Variants in MCF2L2 observed in about 807,000 individuals in gnomAD.
MCF2L2 encodes MCF.2 cell line derived transforming sequence-like 2.
A neutral mutation model predicts 150.2 loss-of-function variants in MCF2L2; 102 were observed. The ratio of observed to expected loss-of-function variants is 0.68; its 90% confidence interval spans 0.58 to 0.80. The LOEUF (loss-of-function observed/expected upper bound fraction) is 0.80. MCF2L2 is among the 30% of genes least tolerant of loss of function. The pLI is 0.00. For missense variants in MCF2L2, 1,256 were observed against 1,372.8 expected, an observed-to-expected ratio of 0.91 and a Z score of 1.34; for synonymous variants, 465 against 491.3, an observed-to-expected ratio of 0.95 and a Z score of 0.71.
chr3:183,396,138 C>G (rs1004855333), intron 1 of MCF2L2, among the ~76,000 whole-genome samples: 1 of 151,690 alleles, frequency 6.6e-6, no homozygotes, highest in Admixed American at 6.6e-5. Flanking sequence ...GTGCACATAG[C>G]CCTGGAAATC....
rs148841300 is a variant in MCF2L2, at chr3:183,296,958, A to G, written c.1497+18T>C. 1.2e-6 allele frequency: 2 copies of G among 1,607,230 alleles called. No individual in the cohort carries two copies. The highest frequency in any genetic ancestry group is 1.7e-4 in the Middle Eastern group (1 of 6,024). ...TCCGTTTCCCAACCACAGGATCAAA[A>G]TAACCCGGAAGCATTACCTTTGCAT... On this transcript the variant is annotated intron_variant, in intron 12 of 29. Coordinates refer to ENST00000328913, the MANE Select transcript of MCF2L2 (RefSeq NM_015078.4).
chr3:183,350,278 A>C (rs928514591), intron 3 of MCF2L2, among the ~76,000 whole-genome samples: 2 of 151,964 alleles, frequency 1.3e-5, no homozygotes, highest in Non-Finnish European at 2.9e-5. Flanking sequence ...CATGCTAGAC[A>C]ACACTCAGTA....
At position 183,384,596 on chromosome 3, in the gene MCF2L2, T is replaced by TCTGGCCAA. The variant is rs1327726037; in HGVS notation, c.160+5092_160+5099dup. Among the ~76,000 whole-genome samples, 70 of 152,156 alleles carry TCTGGCCAA rather than the reference T, an allele frequency of 4.6e-4. 1 individual carries two copies. The highest frequency in any genetic ancestry group is 1.7e-3 in the African/African-American group (69 of 41,434). On this transcript the variant is annotated intron_variant, in intron 2 of 29. Coordinates refer to ENST00000328913, the MANE Select transcript of MCF2L2 (RefSeq NM_015078.4). ...AGGTCCGACTCCCTGTGATTTCATC[T>TCTGGCCAA]CTGGCCAATCAGCACTCCTGGCTCA...
intron 15 of MCF2L2, among the ~76,000 whole-genome samples, chr3:183,249,431 GA>G (rs1264668497): frequency 6.6e-6 from 1 of 152,210 alleles, no homozygotes; most frequent in East Asian, 1.9e-4. Flanking sequence ...CTGTCCCTGA[GA>G]GGCCCCACTG....
chr3:183,222,847 G>C (rs1723195861), intron 20 of MCF2L2, among the ~76,000 whole-genome samples: 1 of 152,118 alleles, frequency 6.6e-6, no homozygotes, highest in Non-Finnish European at 1.5e-5. Flanking sequence ...CTAAGGAGGG[G>C]TAAAGGTCAG....
chr3:183,288,771 C>T (rs905375871), intron 14 of MCF2L2, among the ~76,000 whole-genome samples: 6 of 152,076 alleles, frequency 3.9e-5, no homozygotes, highest in Admixed American at 1.3e-4. Context: ...TGAACCACCG[C>T]GCCCGGCCTG....
At chr3:183,333,407 T>C (rs1307408824) in intron 5 of MCF2L2, among the ~76,000 whole-genome samples, 1 of 152,200 alleles carries the variant, frequency 6.6e-6, no homozygotes, top group Admixed American at 6.5e-5. Context: ...ATAATATTTA[T>C]AGATAGTAAT....
intron 15 of MCF2L2, among the ~76,000 whole-genome samples, chr3:183,259,970 T>G (rs796114294): frequency 2.6e-5 from 4 of 152,194 alleles, no homozygotes; most frequent in African/African-American, 7.2e-5. Flanking sequence ...TGAAGCAAAT[T>G]CTCATCCATC....
intron 25 of MCF2L2, among the ~76,000 whole-genome samples, chr3:183,199,917 G>T (rs1000135796): frequency 6.6e-6 from 1 of 151,940 alleles, no homozygotes; most frequent in Non-Finnish European, 1.5e-5. Flanking sequence ...CAGAATGATG[G>T]TTTCCAGCTT....
chr3:183,387,736 C>A (rs1181145017), intron 2 of MCF2L2, among the ~76,000 whole-genome samples: 1 of 151,906 alleles, frequency 6.6e-6, no homozygotes, highest in Non-Finnish European at 1.5e-5. Flanking sequence ...AGTTCGAGAC[C>A]AGCCTGGCCA....
At chr3:183,248,475 G>A (rs763067409) in intron 15 of MCF2L2, among the ~76,000 whole-genome samples, 4 of 152,130 alleles carry the variant, frequency 2.6e-5, no homozygotes, top group Non-Finnish European at 5.9e-5. Flanking sequence ...TTTGAACCGT[G>A]TACTCTCTGT....
At chr3:183,231,079 T>C (rs1576942889) in intron 15 of MCF2L2, 62 bp from the exon 16 acceptor site, 6 of 1,239,270 alleles carry the variant, frequency 4.8e-6, no homozygotes, top group East Asian at 4.6e-5. Context: ...AGAATGTTCT[T>C]TTAGAATTCT....
intron 25 of MCF2L2, among the ~76,000 whole-genome samples, chr3:183,204,957 T>A (rs553931642): frequency 7.6e-4 from 115 of 152,204 alleles, no homozygotes; most frequent in Non-Finnish European, 1.2e-3. Context: ...AGGAAATACA[T>A]TAGTGATTGC....
chr3:183,409,945 ACAGTGAGACACCATAGGTCTGCCTT>A (rs1715240681), intron 1 of MCF2L2, among the ~76,000 whole-genome samples: 1 of 152,148 alleles, frequency 6.6e-6, no homozygotes, highest in Admixed American at 6.5e-5. Flanking sequence ...GGAAGGAAAA[ACAGTGAGACACCATAGGTCTGCCTT>A]CAAGCTTGAG....
At chr3:183,363,742 A>G (rs954289899) in intron 3 of MCF2L2, among the ~76,000 whole-genome samples, 1 of 152,178 alleles carries the variant, frequency 6.6e-6, no homozygotes, top group South Asian at 2.1e-4. Flanking sequence ...AAAGAAATAC[A>G]CTTTAAACAG....
At chr3:183,417,570 A>G (rs2314380) in intron 1 of MCF2L2, among the ~76,000 whole-genome samples, 15,305 of 152,236 alleles carry the variant, frequency 0.1, 839 homozygotes, top group African/African-American at 0.15. Context: ...ACCACCTGGG[A>G]TCACTTGCTT....
At chr3:183,409,551 CTTTTTTT>C (rs11336262) in intron 1 of MCF2L2, among the ~76,000 whole-genome samples, 10 of 121,748 alleles carry the variant, frequency 8.2e-5, no homozygotes, top group South Asian at 2.7e-4. Context: ...GCTAAAATTT[CTTTTTTT>C]TTTTTTTTTT....
intron 15 of MCF2L2, among the ~76,000 whole-genome samples, chr3:183,275,366 TAC>T (rs1727104173): frequency 6.6e-6 from 1 of 152,178 alleles, no homozygotes; most frequent in Non-Finnish European, 1.5e-5. Flanking sequence ...AATAAGGAAA[TAC>T]AGATTAAACA....
At chr3:183,321,263 C>A (rs577856470) in intron 6 of MCF2L2, among the ~76,000 whole-genome samples, 2 of 152,140 alleles carry the variant, frequency 1.3e-5, no homozygotes, top group Non-Finnish European at 2.9e-5. Flanking sequence ...CATGGTGAAA[C>A]CTTGTCTCTA....
Sources: allele counts gnomAD v4.1 joint callset (sites outside exome capture counted in the v4.1 genomes callset), GRCh38; gene constraint gnomAD v4.1.1; transcripts MANE v1.5; gene names NCBI Gene and HGNC (gene_info 2026-07-23, HGNC 2026-07-21).